The following MAFF variants were observed in gnomAD, a reference collection of about 807,000 sequenced individuals.
MAFF encodes the protein transcription factor MafF.
In MAFF, 4 loss-of-function variants were observed where a neutral mutation model predicts 2.7. The observed-to-expected ratio is 1.48, with a 90% confidence interval of 0.73 to 3.39. MAFF has a LOEUF of 3.39. MAFF is among the 30% of genes most tolerant of loss of function. The probability of loss-of-function intolerance (pLI) is 0.01; values close to 1 mark genes in which losing one functional copy is unlikely to be tolerated. For synonymous variants in MAFF, 113 were observed against 119.4 expected (o/e 0.95, Z 0.35); for missense variants, 190 against 246.6 (o/e 0.77, Z 1.54).
chr22:38,207,053 G>A (rs910805139), intron 1 of MAFF, among the ~76,000 whole-genome samples: 3 of 152,118 alleles, frequency 2.0e-5, no homozygotes, highest in African/African-American at 7.2e-5. Context: ...CAGGGAGGTC[G>A]CCCTGCCAGG....
rs987284383 is a variant in MAFF at position 38,214,996 on chromosome 22, A to G, written c.*118A>G. ...CTCTGCAGCACTGGCCCCTTGGTGC[A>G]CACACATTCCCTTCGTGGGCCCTGT... On this transcript the variant is annotated 3_prime_UTR_variant, in exon 3 of 3. Transcript: ENST00000338483. The surrounding 1 kb of genome is among the most constrained non-coding windows in gnomAD (Gnocchi z 6.3). 1.3e-6 allele frequency: 1 copy of G among 771,202 alleles called. No homozygotes were observed. Among genetic ancestry groups the G allele is most frequent in the Non-Finnish European group, 2.2e-6 (1 of 462,148 alleles). 47.8% of individuals were successfully genotyped at this position (771,202 alleles called of 1,614,324 possible).
chr22:38,207,448 T>C (rs1053951134), intron 1 of MAFF, among the ~76,000 whole-genome samples: 7 of 127,864 alleles, frequency 5.5e-5, no homozygotes, highest in African/African-American at 9.0e-5. Context: ...TTTTTTTTTT[T>C]TTTTTTTTTT....
At chr22:38,206,568 T>G (rs1381219146) in intron 1 of MAFF, among the ~76,000 whole-genome samples, 1 of 152,048 alleles carries the variant, frequency 6.6e-6, no homozygotes, top group Non-Finnish European at 1.5e-5. Context: ...GCCAGGCCGT[T>G]CTTGAACTCC....
chr22:38,207,472 G>A (rs1240858223), intron 1 of MAFF, among the ~76,000 whole-genome samples: 7 of 109,948 alleles, frequency 6.4e-5, no homozygotes, highest in Admixed American at 5.8e-4. Context: ...ACAGAGTCTC[G>A]CTCTGTCACC....
At chr22:38,213,322 C>T (rs1006409980) in intron 1 of MAFF, among the ~76,000 whole-genome samples, 1 of 152,080 alleles carries the variant, frequency 6.6e-6, no homozygotes, top group Non-Finnish European at 1.5e-5. Flanking sequence ...ACTTACTGAG[C>T]CATCTACTAT....
Position 38,202,017 on chromosome 22 carries a change from A to T in MAFF, c.-227A>T, listed in dbSNP as rs1023946510. 1.9e-4 allele frequency: 29 copies of T among 152,360 alleles called. No individual in the cohort carries two copies. The East Asian group carries it at 5.6e-3, about 29-fold the overall frequency. The allele number at this position is 152,360 out of a possible 1,614,324, so 9.4% of individuals were successfully genotyped here. On this transcript the variant is annotated 5_prime_UTR_variant, in exon 1 of 3. Coordinates refer to ENST00000338483, the MANE Select transcript of MAFF (RefSeq NM_012323.4). The surrounding 1 kb of genome is among the most constrained non-coding windows in gnomAD (Gnocchi z 7.4). ...GTAATTCCGGGAAGCTCGCCTTACA[A>T]CTCCGCGCGGCCTCGGCCCCCTGCG...
intron 1 of MAFF, among the ~76,000 whole-genome samples, chr22:38,212,507 G>A (rs1031227263): frequency 2.0e-5 from 3 of 152,176 alleles, no homozygotes; most frequent in African/African-American, 7.2e-5. Context: ...GACCCTCCAC[G>A]AGTTTTATTC....
rs2091123239 is a variant in MAFF, at chr22:38,214,072, C to T, written c.36+183C>T. On this transcript the variant is annotated intron_variant, in intron 2 of 2. Transcript: ENST00000338483. The surrounding 1 kb of genome is among the most constrained non-coding windows in gnomAD (Gnocchi z 6.3). ...GGGACCAGGAGGCCTGGGCTCTGGT[C>T]ACAGGCTGCATGTCCCTGGGGTAGG... Among the ~76,000 whole-genome samples, 1 of 152,252 alleles carries T rather than the reference C, an allele frequency of 6.6e-6. No homozygotes were observed. The highest frequency in any genetic ancestry group is 1.5e-5 in the Non-Finnish European group (1 of 68,046).
chr22:38,211,525 A>G (rs1568999396), intron 1 of MAFF, among the ~76,000 whole-genome samples: 1 of 98,830 alleles, frequency 1.0e-5, no homozygotes, highest in Non-Finnish European at 2.1e-5. Flanking sequence ...GCGCCCGGCC[A>G]CTGGGGATCA....
Position 38,208,826 on chromosome 22 carries a change from G to C in MAFF, c.-31-4997G>C, listed in dbSNP as rs544480417. On this transcript the variant is annotated intron_variant, in intron 1 of 2. Coordinates refer to ENST00000338483, the MANE Select transcript of MAFF (RefSeq NM_012323.4). Reference sequence around the variant, plus strand: ...GATGAGTAGGAGTCTGCCAAACAAAGTAGAGGGGAGTGAGGGGAGAGAAAT... The same window carrying C: ...GATGAGTAGGAGTCTGCCAAACAAACTAGAGGGGAGTGAGGGGAGAGAAAT... Among the ~76,000 whole-genome samples, 3 of 152,308 alleles carry C rather than the reference G, an allele frequency of 2.0e-5. No individual in the cohort carries two copies. The South Asian group carries it at 6.2e-4, about 32-fold the overall frequency.
At chr22:38,208,977 CA>C (rs1646758624) in intron 1 of MAFF, among the ~76,000 whole-genome samples, 1 of 150,364 alleles carries the variant, frequency 6.7e-6, no homozygotes, top group South Asian at 2.1e-4. Flanking sequence ...GCTGGACACA[CA>C]GGGCCTGGGG....
chr22:38,204,722 C>A lies in MAFF; in HGVS notation c.-32+2510C>A, dbSNP rs146977237. ...CCCGCTTGTCCCTTTGGGAAACATT[C>A]AGGGATAGTAGAATTTGCTGTCTGT... is the stretch of plus-strand genomic sequence containing the variant. On this transcript the variant is annotated intron_variant, in intron 1 of 2. Transcript: ENST00000338483. Among the ~76,000 whole-genome samples the A allele has an allele frequency of 6.3e-4, 96 of 152,322 alleles. No homozygotes were observed. The East Asian group carries it at 0.018, about 28-fold the overall frequency.
At chr22:38,211,195 G>A (rs2091097419) in intron 1 of MAFF, among the ~76,000 whole-genome samples, 1 of 151,848 alleles carries the variant, frequency 6.6e-6, no homozygotes, top group African/African-American at 2.4e-5. Flanking sequence ...GCCAAGTAGG[G>A]CTGAGGTTGG....
At chr22:38,208,962 G>A (rs546911937) in intron 1 of MAFF, among the ~76,000 whole-genome samples, 4 of 152,086 alleles carry the variant, frequency 2.6e-5, no homozygotes, top group South Asian at 4.2e-4. Context: ...GGAAATGGGC[G>A]TGGGGCTGGA....
intron 1 of MAFF, chr22:38,213,502 G>A (rs1300928857): frequency 3.9e-5 from 16 of 405,500 alleles, no homozygotes; most frequent in South Asian, 1.1e-4. Flanking sequence ...GTTAATAGGC[G>A]GGGTTATGTG....
chr22:38,204,881 C>T (rs1323271089), intron 1 of MAFF, among the ~76,000 whole-genome samples: 4 of 151,946 alleles, frequency 2.6e-5, no homozygotes, highest in African/African-American at 7.3e-5. Flanking sequence ...CGGACAGGCT[C>T]GTGGGTTTGT....
chr22:38,213,449 G>A, intron 1 of MAFF: 1 of 344,878 alleles, frequency 2.9e-6, no homozygotes, highest in Non-Finnish European at 5.8e-6. Context: ...TCATAGATGA[G>A]GAACCAAGCA....
chr22:38,213,456 A>C (rs2146022570), intron 1 of MAFF: 1 of 347,726 alleles, frequency 2.9e-6, no homozygotes, highest in East Asian at 7.5e-5. Flanking sequence ...TGAGGAACCA[A>C]GCATGAGAAA....
At chr22:38,207,004 A>C (rs1253604103) in intron 1 of MAFF, among the ~76,000 whole-genome samples, 2 of 152,158 alleles carry the variant, frequency 1.3e-5, no homozygotes, top group Non-Finnish European at 2.9e-5. Context: ...GAAACTGGCA[A>C]GTCCAGCTTC....
Sources: gnomAD v4.1 joint callset for allele counts (sites outside exome capture counted in the v4.1 genomes callset) on GRCh38, gnomAD v4.1.1 for gene constraint, Gnocchi (gnomAD v3.1) non-coding constraint, MANE v1.5 for transcripts, NCBI Gene and HGNC (gene_info 2026-07-23, HGNC 2026-07-21) for gene names.